PXN: variants seen among roughly 807,000 people sequenced by gnomAD.
PXN encodes paxillin, also known as testicular tissue protein Li 134.
In PXN, 61 loss-of-function variants were observed where a neutral mutation model predicts 103.6. The ratio of observed to expected loss-of-function variants is 0.59; its 90% CI spans 0.48 to 0.73. PXN has a LOEUF of 0.73. Among genes scored for constraint, PXN ranks in the 30% least tolerant of loss-of-function variants. PXN has a pLI of 0.00. For missense variants in PXN, 1,274 were observed against 1,460.3 expected (o/e 0.87, Z 2.08); for synonymous variants, 562 against 607.8 (o/e 0.92, Z 1.11).
At position 120,213,589 on chromosome 12, in the gene PXN, T is replaced by C. The variant is rs141550005; in HGVS notation, c.2979+253A>G. Reference sequence around the variant, plus strand: ...AGTTCTCACACACTCTCCTCCCAAATAGGAATGGCCCAGGGCCGCTGCACA... The same window carrying C: ...AGTTCTCACACACTCTCCTCCCAAACAGGAATGGCCCAGGGCCGCTGCACA... On this transcript the variant is annotated intron_variant, in intron 14 of 14. Transcript: ENST00000637617. This position sits in a 1 kb window ranked among gnomAD's most constrained non-coding sequence, Gnocchi z 4.2. 7.9e-5 allele frequency among the ~76,000 whole-genome samples: 12 copies of C among 152,292 alleles called. No homozygotes were observed. Among genetic ancestry groups the C allele is most frequent in the South Asian group, 4.1e-4 (2 of 4,830 alleles).
At chr12:120,227,195 G>C (rs1887042181) in intron 1 of PXN, 2 of 978,770 alleles carry the variant, frequency 2.0e-6, no homozygotes, top group South Asian at 9.2e-5. Flanking sequence ...GTGAGAGCCT[G>C]TCTCTACAAA....
chr12:120,226,935 C>T (rs575990754), intron 1 of PXN: 2 of 990,996 alleles, frequency 2.0e-6, no homozygotes, highest in East Asian at 1.1e-4. Context: ...CCAAGTCACT[C>T]TGCAGGAGGA....
At chr12:120,227,282 C>CT (rs1424574354) in intron 1 of PXN, among the ~76,000 whole-genome samples, 1 of 152,170 alleles carries the variant, frequency 6.6e-6, no homozygotes, top group Non-Finnish European at 1.5e-5. Context: ...GGGAGGATCA[C>CT]TTGAGAACAG....
At position 120,228,209 on chromosome 12, in the gene PXN, T is replaced by G. The variant is rs1566403162; in HGVS notation, c.14-3832A>C. On this transcript the variant is annotated intron_variant, in intron 1 of 14. Coordinates refer to ENST00000637617, the MANE Select transcript of PXN (RefSeq NM_001385981.1). This position sits in a 1 kb window ranked among gnomAD's most constrained non-coding sequence, Gnocchi z 4.7. ...AGCTAAGAAAGGCCTCAAATTTCCTTGGCATTACTCTACTAAGTTTCCAGG... is the reference window on the plus strand; with the variant it reads ...AGCTAAGAAAGGCCTCAAATTTCCTGGGCATTACTCTACTAAGTTTCCAGG... 6.6e-6 allele frequency among the ~76,000 whole-genome samples: 1 copy of G among 152,222 alleles called. No homozygotes were observed. The highest frequency in any genetic ancestry group is 1.5e-5 in the Non-Finnish European group (1 of 68,034).
Position 120,217,147 on chromosome 12 carries a change from G to C in PXN, c.1717-31C>G. The C allele has an allele frequency of 6.6e-7, 1 of 1,515,902 alleles. No individual in the cohort carries two copies. 93.9% of individuals were successfully genotyped at this position (1,515,902 alleles called of 1,614,324 possible). ...GGGAGGGGGAGGGGAGGCTGTCACC[G>C]TCCCACTCCCAGCTTGCACAACGCT... On this transcript the variant is annotated intron_variant, in intron 7 of 14. Transcript: ENST00000637617. The surrounding 1 kb of genome is among the most constrained non-coding windows in gnomAD (Gnocchi z 4.1).
chr12:120,239,332 C>T (rs553283526), intron 1 of PXN, among the ~76,000 whole-genome samples: 3 of 152,290 alleles, frequency 2.0e-5, no homozygotes, highest in South Asian at 2.1e-4. Flanking sequence ...GCCTATAATC[C>T]CAGCACTTTG....
At position 120,213,944 on chromosome 12, in the gene PXN, G is replaced by C; in HGVS notation, c.2877C>G (p.Phe959Leu). The C allele has an allele frequency of 6.2e-7, 1 of 1,612,506 alleles. No individual in the cohort carries two copies. The highest frequency in any genetic ancestry group is 1.3e-5 in the African/African-American group (1 of 75,022). The change falls in exon 14 of 15, where the codon TTC becomes TTG. Residue 959 changes from phenylalanine (F) to leucine (L), a missense_variant. By Grantham distance (22) the Phe-to-Leu change is conservative. Coordinates refer to ENST00000637617, the MANE Select transcript of PXN (RefSeq NM_001385981.1). The surrounding 1 kb of genome is among the most constrained non-coding windows in gnomAD (Gnocchi z 4.2). ...DGKAYCRKDY[F>L]DMFAPKCGGC... Reference sequence around the variant, plus strand: ...CGCCACACTTGGGTGCGAACATGTCGAAGTAGTCCTTGCGACAGTAGGCCT... The same window carrying C: ...CGCCACACTTGGGTGCGAACATGTCCAAGTAGTCCTTGCGACAGTAGGCCT...
At position 120,219,114 on chromosome 12, in the gene PXN, G is replaced by A. The variant is rs966673947; in HGVS notation, c.1716+93C>T. The A allele has an allele frequency of 1.2e-4, 154 of 1,298,546 alleles. 2 individuals carry two copies. The South Asian group carries it at 2.1e-3, about 18-fold the overall frequency. 80.4% of individuals were successfully genotyped at this position (1,298,546 alleles called of 1,614,324 possible). A position where few individuals can be genotyped will look rare whatever the true frequency, so the allele number is the denominator to read the frequency against. On this transcript the variant is annotated intron_variant, in intron 7 of 14. Transcript: ENST00000637617. The surrounding 1 kb of genome is among the most constrained non-coding windows in gnomAD (Gnocchi z 6.5). ...GCATTTTCTGCCCAAGCAGACATGC[G>A]CAGAGTGGGAGGCTGCATGCAGTTA...
At chr12:120,226,844 A>C (rs1461841390) in intron 1 of PXN, 1 of 1,009,662 alleles carries the variant, frequency 9.9e-7, no homozygotes, top group East Asian at 1.0e-4. Context: ...CTGACCTCAA[A>C]GTACTGGTGT....
chr12:120,212,086 G>A lies in PXN; in HGVS notation c.*228C>T, dbSNP rs73412896. 334 of 756,738 alleles carry A rather than the reference G, an allele frequency of 4.4e-4. No individual in the cohort carries two copies. In the African/African-American group the frequency reaches 5.0e-3, roughly 11 times the overall value. 46.9% of individuals were successfully genotyped at this position (756,738 alleles called of 1,614,324 possible). ...CTACCCCTGGGGAGGATGGAGAGTGGGCAGCCTAGGGAGAGCTACAGGAGG... is the reference window on the plus strand; with the variant it reads ...CTACCCCTGGGGAGGATGGAGAGTGAGCAGCCTAGGGAGAGCTACAGGAGG... On this transcript the variant is annotated 3_prime_UTR_variant, in exon 15 of 15. Transcript: ENST00000637617. The surrounding 1 kb of genome is among the most constrained non-coding windows in gnomAD (Gnocchi z 7.2).
chr12:120,238,744 A>G (rs962461896), intron 1 of PXN, among the ~76,000 whole-genome samples: 5 of 152,216 alleles, frequency 3.3e-5, no homozygotes, highest in Admixed American at 6.5e-5. Context: ...CAGGTAGACT[A>G]TTTACATCAC....
At chr12:120,252,562 T>G (rs1892357919) in intron 1 of PXN, among the ~76,000 whole-genome samples, 1 of 152,144 alleles carries the variant, frequency 6.6e-6, no homozygotes, top group Non-Finnish European at 1.5e-5. Flanking sequence ...AAGTCAAATG[T>G]AATTCAGAGA....
chr12:120,250,033 T>C, intron 1 of PXN: 1 of 985,480 alleles, frequency 1.0e-6, no homozygotes, highest in Non-Finnish European at 1.2e-6. Context: ...GTGACTGCAG[T>C]GTTCCAGGCA....
chr12:120,247,805 A>G (rs542694125), intron 1 of PXN: 13 of 152,566 alleles, frequency 8.5e-5, no homozygotes, highest in Non-Finnish European at 1.8e-4. Context: ...TCAAGCAACT[A>G]TTTTATTAAC....
chr12:120,227,708 G>C (rs765260641), intron 1 of PXN, among the ~76,000 whole-genome samples: 38 of 152,126 alleles, frequency 2.5e-4, no homozygotes, highest in Non-Finnish European at 4.9e-4. Context: ...CTAGGCAAGA[G>C]GGGTAGGGGT....
At position 120,265,729 on chromosome 12, in the gene PXN, A is replaced by G. The variant is rs1371669059; in HGVS notation, c.-100T>C. 1 of 1,079,706 alleles carries G rather than the reference A, an allele frequency of 9.3e-7. No homozygotes were observed. The highest frequency in any genetic ancestry group is 1.1e-6 in the Non-Finnish European group (1 of 883,106). The allele number at this position is 1,079,706 out of a possible 1,614,324, so 66.9% of individuals were successfully genotyped here. The stretch of plus-strand genomic sequence containing the variant: ...TTTCCGCCGCGAGCCTCGGCCCGGA[A>G]CGGAACGCGCCGCCGCCGCGCGCGC... On this transcript the variant is annotated 5_prime_UTR_variant, in exon 1 of 15. Transcript: ENST00000637617. The surrounding 1 kb of genome is among the most constrained non-coding windows in gnomAD (Gnocchi z 5.7).
chr12:120,239,017 CG>C (rs1889658827), intron 1 of PXN, among the ~76,000 whole-genome samples: 1 of 152,184 alleles, frequency 6.6e-6, no homozygotes, highest in African/African-American at 2.4e-5. Context: ...ACCAAACTGT[CG>C]GGTGGGGCTG....
In PXN at chr12:120,214,317, G is replaced by T; in HGVS notation, c.2749-100C>A. The stretch of plus-strand genomic sequence containing the variant: ...CTTCCACCCGCAGCTCATAGCCATA[G>T]ACAGAGCAAAACACTCCCAAGATGG... On this transcript the variant is annotated intron_variant, in intron 12 of 14. Transcript: ENST00000637617. The surrounding 1 kb of genome is among the most constrained non-coding windows in gnomAD (Gnocchi z 5.0). 1 of 1,051,794 alleles carries T rather than the reference G, an allele frequency of 9.5e-7. No homozygotes were observed. Among genetic ancestry groups the T allele is most frequent in the Non-Finnish European group, 1.4e-6 (1 of 703,474 alleles). The allele number at this position is 1,051,794 out of a possible 1,614,324, so 65.2% of individuals were successfully genotyped here.
chr12:120,250,146 G>A, intron 1 of PXN: 26 of 985,730 alleles, frequency 2.6e-5, no homozygotes, highest in Non-Finnish European at 3.1e-5. Flanking sequence ...AGCCGAGCCA[G>A]GAGTACACAG....
Sources: gnomAD v4.1 joint callset for allele counts (sites outside exome capture counted in the v4.1 genomes callset) on GRCh38, gnomAD v4.1.1 for gene constraint, Gnocchi (gnomAD v3.1) non-coding constraint, MANE v1.5 for transcripts, NCBI Gene and HGNC (gene_info 2026-07-23, HGNC 2026-07-21) for gene names.